The following CFTR variants were observed in gnomAD, a reference collection of about 807,000 sequenced individuals.
CFTR encodes CF transmembrane conductance regulator.
A neutral mutation model predicts 171.6 loss-of-function variants in CFTR; 181 were observed. The observed-to-expected ratio is 1.05, with a 90% CI of 0.93 to 1.19. The LOEUF (loss-of-function observed/expected upper bound fraction) is 1.19, where lower values mean the gene tolerates loss of function less well. CFTR is among the 50% of genes most tolerant of loss of function. CFTR has a pLI of 0.00. For missense variants in CFTR, 1,968 were observed against 1,734.7 expected (o/e 1.13, Z -2.39); for synonymous variants, 583 against 608.0 (o/e 0.96, Z 0.60).
At chr7:117,482,308 G>A (rs1338092318) in intron 1 of CFTR, among the ~76,000 whole-genome samples, 2 of 152,034 alleles carry the variant, frequency 1.3e-5, no homozygotes. Context: ...AATTATTATG[G>A]TATGAGTTAT....
At chr7:117,480,214 G>T (rs1004350446) in intron 1 of CFTR, 67 bp downstream of exon 1, 2 of 1,473,128 alleles carry the variant, frequency 1.4e-6, no homozygotes, top group Admixed American at 3.3e-5. Flanking sequence ...GTGTGTATGG[G>T]TTGGGTTTGG....
At position 117,592,249 on chromosome 7, in the gene CFTR, G is replaced by A. The variant is rs1584812453; in HGVS notation, c.2082G>A (p.Gly694=). 1 of 1,613,592 alleles carries A rather than the reference G, an allele frequency of 6.2e-7. No homozygotes were observed. The highest frequency in any genetic ancestry group is 1.7e-5 in the Admixed American group (1 of 59,990). ...CTTTTAAACAGACTGGAGAGTTTGG[G>A]GAAAAAAGGAAGAATTCTATTCTCA... The part of the protein sequence containing the change: ...KQSFKQTGEF[G]EKRKNSILNP... Residue 694 remains glycine, a synonymous_variant, in exon 14 of 27, where the codon GGG becomes GGA. Coordinates refer to ENST00000003084, the MANE Select transcript of CFTR (RefSeq NM_000492.4).
intron 1 of CFTR, among the ~76,000 whole-genome samples, chr7:117,495,403 G>C (rs1798221773): frequency 6.6e-6 from 1 of 151,988 alleles, no homozygotes; most frequent in African/African-American, 2.4e-5. Flanking sequence ...GATTTTTTTT[G>C]TAGCATTACT....
chr7:117,571,839 A>G (rs1791693990), intron 11 of CFTR, among the ~76,000 whole-genome samples: 1 of 152,108 alleles, frequency 6.6e-6, no homozygotes, highest in African/African-American at 2.4e-5. Flanking sequence ...ATAAAACTGA[A>G]TATTAAGTGT....
intron 7 of CFTR, 26 bp downstream of exon 7, chr7:117,536,699 T>C: frequency 6.3e-7 from 1 of 1,585,218 alleles, no homozygotes; most frequent in Non-Finnish European, 8.6e-7. Context: ...AATTTCAATA[T>C]TGTTAGTAAT....
intron 20 of CFTR, among the ~76,000 whole-genome samples, chr7:117,612,752 G>A (rs966045171): frequency 6.6e-6 from 1 of 152,046 alleles, no homozygotes; most frequent in Non-Finnish European, 1.5e-5. Flanking sequence ...AGCTGCAACA[G>A]GCACAAGAGA....
rs1455404428 is a variant in CFTR, at chr7:117,665,481, A to G, written c.4159A>G (p.Thr1387Ala). The change falls in exon 26 of 27, where the codon ACT becomes GCT. Residue 1387 changes from threonine to alanine, a missense_variant. Transcript: ENST00000003084. ...TAGAACATACCAAATAATTAGAAGA[A>G]CTCTAAAACAAGCATTTGCTGATTG... is the stretch of plus-strand genomic sequence containing the variant. The part of the protein sequence containing the change: ...DPVTYQIIRR[T>A]LKQAFADCTV... 2 of 1,609,780 alleles carry G rather than the reference A, an allele frequency of 1.2e-6. No individual in the cohort carries two copies. Among genetic ancestry groups the G allele is most frequent in the Admixed American group, 3.3e-5 (2 of 59,962 alleles).
intron 1 of CFTR, among the ~76,000 whole-genome samples, chr7:117,501,543 C>T (rs958304548): frequency 5.3e-5 from 8 of 151,516 alleles, no homozygotes; most frequent in Non-Finnish European, 7.4e-5. Flanking sequence ...GTCAGGGGTT[C>T]GAGACCAACC....
At chr7:117,631,302 C>T (rs573378624) in intron 22 of CFTR, among the ~76,000 whole-genome samples, 1 of 152,136 alleles carries the variant, frequency 6.6e-6, no homozygotes, top group Non-Finnish European at 1.5e-5. Flanking sequence ...TGTTTCCCCC[C>T]CTAGTTCCTG....
intron 1 of CFTR, 43 bp downstream of exon 1, chr7:117,480,190 C>A (rs760725514): frequency 4.4e-6 from 7 of 1,593,874 alleles, no homozygotes; most frequent in East Asian, 2.2e-5. Context: ...CACGTGCCCA[C>A]GAAAGAGGAG....
At chr7:117,565,223 A>T (rs931667804) in intron 11 of CFTR, among the ~76,000 whole-genome samples, 24 of 152,332 alleles carry the variant, frequency 1.6e-4, no homozygotes, top group Middle Eastern at 3.4e-3. Flanking sequence ...AGACTTTGCT[A>T]GTTTAAAAGG....
At chr7:117,593,780 G>A (rs902187582) in intron 14 of CFTR, among the ~76,000 whole-genome samples, 5 of 152,132 alleles carry the variant, frequency 3.3e-5, no homozygotes, top group Non-Finnish European at 7.3e-5. Flanking sequence ...ATTTTTAGTA[G>A]AGAAGGGGTT....
intron 21 of CFTR, among the ~76,000 whole-genome samples, chr7:117,619,675 T>G (rs1316760619): frequency 1.3e-5 from 2 of 152,054 alleles, no homozygotes; most frequent in Non-Finnish European, 2.9e-5. Context: ...AGATAAACCA[T>G]CCTTGTTTCC....
intron 1 of CFTR, among the ~76,000 whole-genome samples, chr7:117,486,738 G>A (rs1467612444): frequency 6.6e-6 from 1 of 151,786 alleles, no homozygotes; most frequent in African/African-American, 2.4e-5. Context: ...GGCTTTGTAG[G>A]CTTTGTTTGG....
At chr7:117,610,703 A>G (rs1348177793) in intron 19 of CFTR, 34 bp downstream of exon 19, 5 of 1,610,352 alleles carry the variant, frequency 3.1e-6, no homozygotes, top group Non-Finnish European at 4.2e-6. Context: ...TCATCTTGTA[A>G]AAAAGCTATA....
intron 17 of CFTR, among the ~76,000 whole-genome samples, chr7:117,604,566 C>T (rs1562911968): frequency 6.6e-6 from 1 of 152,050 alleles, no homozygotes; most frequent in Non-Finnish European, 1.5e-5. Flanking sequence ...TGATATAAAG[C>T]AAGGAATAAA....
At chr7:117,519,777 A>G (rs1479382292) in intron 3 of CFTR, among the ~76,000 whole-genome samples, 2 of 151,964 alleles carry the variant, frequency 1.3e-5, no homozygotes, top group African/African-American at 4.8e-5. Flanking sequence ...CATGAATCAT[A>G]TGGCTGTACC....
At chr7:117,537,025 T>C (rs1262348259) in intron 7 of CFTR, among the ~76,000 whole-genome samples, 1 of 152,232 alleles carries the variant, frequency 6.6e-6, no homozygotes, top group African/African-American at 2.4e-5. Flanking sequence ...GAGTATACAA[T>C]TCTGAACCAA....
At chr7:117,552,709 T>A (rs1799292904) in intron 10 of CFTR, among the ~76,000 whole-genome samples, 1 of 152,148 alleles carries the variant, frequency 6.6e-6, no homozygotes, top group Non-Finnish European at 1.5e-5. Context: ...TCTCTCTATA[T>A]ATATAATCAA....
Sources: allele counts gnomAD v4.1 joint callset (sites outside exome capture counted in the v4.1 genomes callset), GRCh38; gene constraint gnomAD v4.1.1; transcripts MANE v1.5; gene names NCBI Gene and HGNC (gene_info 2026-07-23, HGNC 2026-07-21).